CNTN1: variants seen among roughly 807,000 people sequenced by gnomAD.
The protein encoded by CNTN1 is contactin-1.
Under a neutral mutation model 126.4 loss-of-function variants are expected in CNTN1, and 38 were observed. That is an observed-to-expected ratio of 0.30 (90% CI 0.23 to 0.39). The LOEUF is 0.39. CNTN1 is among the 10% of genes least tolerant of loss of function. The pLI, the probability that CNTN1 is intolerant of heterozygous loss-of-function variation, is 1.00. For missense variants in CNTN1, 1,009 were observed against 1,248.4 expected, an observed-to-expected ratio of 0.81 and a Z score of 2.89; for synonymous variants, 413 against 422.6, an observed-to-expected ratio of 0.98 and a Z score of 0.28.
intron 16 of CNTN1, among the ~76,000 whole-genome samples, chr12:40,985,347 T>C (rs1280583167): frequency 6.6e-6 from 1 of 152,124 alleles, no homozygotes; most frequent in African/African-American, 2.4e-5. Flanking sequence ...AAAACTCTTT[T>C]TTTATCTGGT....
At chr12:41,023,026 G>C (rs71449802) in intron 20 of CNTN1, among the ~76,000 whole-genome samples, 5,191 of 152,128 alleles carry the variant, frequency 0.034, 118 homozygotes, top group Middle Eastern at 0.12. Context: ...TGGCCGGTAG[G>C]GGGGAGGGGG....
chr12:41,013,008 C>T (rs77738013), intron 17 of CNTN1, among the ~76,000 whole-genome samples: 11 of 152,038 alleles, frequency 7.2e-5, no homozygotes, highest in African/African-American at 2.7e-4. Flanking sequence ...AGAGAAACAG[C>T]TCTCTTTCTG....
chr12:40,722,194 T>C (rs1177808642), intron 1 of CNTN1, among the ~76,000 whole-genome samples: 1 of 152,182 alleles, frequency 6.6e-6, no homozygotes, highest in Non-Finnish European at 1.5e-5. Flanking sequence ...ATGCAGTGTC[T>C]GTGGCTCATT....
At chr12:40,835,799 TAC>T (rs10556497) in intron 1 of CNTN1, among the ~76,000 whole-genome samples, 20,750 of 142,298 alleles carry the variant, frequency 0.15, 2,106 homozygotes, top group African/African-American at 0.31. Flanking sequence ...ATGCTATTTA[TAC>T]ACACACACAC....
At chr12:40,888,226 G>A (rs746518086) in intron 1 of CNTN1, among the ~76,000 whole-genome samples, 19 of 151,766 alleles carry the variant, frequency 1.3e-4, no homozygotes, top group Non-Finnish European at 2.4e-4. Context: ...TTAATAACCC[G>A]ATTAATTTTT....
intron 15 of CNTN1, chr12:40,971,407 C>T (rs1245310955): frequency 6.3e-7 from 1 of 1,584,338 alleles, no homozygotes; most frequent in Non-Finnish European, 8.5e-7. Context: ...CACACTCTCC[C>T]TTCAGCCTTG....
intron 1 of CNTN1, among the ~76,000 whole-genome samples, chr12:40,827,878 T>C (rs1941668870): frequency 6.6e-6 from 1 of 152,204 alleles, no homozygotes; most frequent in South Asian, 2.1e-4. Flanking sequence ...GCATGAATTA[T>C]GCATGCAGCG....
intron 3 of CNTN1, among the ~76,000 whole-genome samples, chr12:40,913,218 T>A (rs969177665): frequency 6.6e-6 from 1 of 152,202 alleles, no homozygotes; most frequent in African/African-American, 2.4e-5. Context: ...AGTACTGCAA[T>A]GTTACCTATT....
intron 1 of CNTN1, among the ~76,000 whole-genome samples, chr12:40,743,396 T>G (rs1358244262): frequency 1.3e-5 from 2 of 152,046 alleles, no homozygotes; most frequent in East Asian, 3.9e-4. Context: ...GCAGGGAGAT[T>G]GTTGGAATAG....
chr12:41,064,338 A>G (rs1472256653), intron 23 of CNTN1, among the ~76,000 whole-genome samples: 4 of 152,178 alleles, frequency 2.6e-5, no homozygotes, highest in Non-Finnish European at 5.9e-5. Flanking sequence ...CCTGACTACC[A>G]TGCTACACAA....
intron 7 of CNTN1, among the ~76,000 whole-genome samples, chr12:40,930,208 T>C (rs982045496): frequency 3.3e-5 from 5 of 151,978 alleles, no homozygotes; most frequent in Admixed American, 2.0e-4. Flanking sequence ...TGTAAGAAGG[T>C]TGAGTTCGGA....
chr12:40,898,711 G>A (rs1345052), intron 1 of CNTN1, among the ~76,000 whole-genome samples: 83,345 of 151,980 alleles, frequency 0.55, 23,550 homozygotes, highest in African/African-American at 0.68. Flanking sequence ...TACCTTCCAT[G>A]TTGACGTCTC....
chr12:40,923,180 A>G (rs1945514182), intron 5 of CNTN1, among the ~76,000 whole-genome samples: 1 of 152,024 alleles, frequency 6.6e-6, no homozygotes, highest in African/African-American at 2.4e-5. Flanking sequence ...AATAAATTTA[A>G]TTATATTTTA....
At chr12:40,863,632 A>G (rs1439670540) in intron 1 of CNTN1, among the ~76,000 whole-genome samples, 2 of 152,132 alleles carry the variant, frequency 1.3e-5, no homozygotes, top group Non-Finnish European at 2.9e-5. Context: ...AGATGTGCAA[A>G]TATTACCACC....
intron 23 of CNTN1, among the ~76,000 whole-genome samples, chr12:41,041,340 C>T (rs1949402638): frequency 6.6e-6 from 1 of 151,852 alleles, no homozygotes; most frequent in South Asian, 2.1e-4. Context: ...AGGATTTTTG[C>T]ATCAATGTTC....
intron 1 of CNTN1, among the ~76,000 whole-genome samples, chr12:40,892,782 A>G (rs1221525046): frequency 6.6e-6 from 1 of 152,064 alleles, no homozygotes; most frequent in African/African-American, 2.4e-5. Context: ...CTAACATCTC[A>G]TTATACAATG....
chr12:41,056,944 TAATATTTAGATATTTATAAATATTATA>T (rs57662591), intron 23 of CNTN1, among the ~76,000 whole-genome samples: 3,903 of 89,936 alleles, frequency 0.043, 254 homozygotes, highest in East Asian at 0.11. Flanking sequence ...TAAATATTTA[TAATATTTAGATATTTATAAATATTATA>T]AATATTTAGA....
At chr12:40,826,362 T>C (rs1443474252) in intron 1 of CNTN1, among the ~76,000 whole-genome samples, 1 of 152,084 alleles carries the variant, frequency 6.6e-6, no homozygotes, top group East Asian at 1.9e-4. Context: ...AAGAGAGAAA[T>C]ATTATAAAAC....
intron 1 of CNTN1, among the ~76,000 whole-genome samples, chr12:40,901,865 C>T (rs1944620179): frequency 6.6e-6 from 1 of 152,164 alleles, no homozygotes; most frequent in Non-Finnish European, 1.5e-5. Flanking sequence ...GCTGCTTAAA[C>T]ATTGTTAATG....
Sources: gnomAD v4.1 joint callset for allele counts (sites outside exome capture counted in the v4.1 genomes callset) on GRCh38, gnomAD v4.1.1 for gene constraint, MANE v1.5 for transcripts, NCBI Gene and HGNC (gene_info 2026-07-23, HGNC 2026-07-21) for gene names.